Variants in OTUD4 observed in about 807,000 individuals in gnomAD.
OTUD4 encodes the protein OTU domain-containing protein 4.
OTUD4 carries 24 observed loss-of-function variants against 130.4 expected under a neutral mutation model. The observed-to-expected ratio is 0.18, with a 90% confidence interval of 0.13 to 0.26. OTUD4 has a LOEUF of 0.26. Ranked by LOEUF, OTUD4 falls within the 10% of genes least tolerant of loss-of-function variation. The pLI, the probability that OTUD4 is intolerant of heterozygous loss-of-function variation, is 1.00. For missense variants in OTUD4, 1,031 were observed against 1,329.4 expected (o/e 0.78, Z 3.49); for synonymous variants, 420 against 472.5 (o/e 0.89, Z 1.44).
chr4:145,165,888 G>A (rs538871033), intron 3 of OTUD4, among the ~76,000 whole-genome samples: 20 of 152,216 alleles, frequency 1.3e-4, no homozygotes, highest in African/African-American at 3.6e-4. Context: ...GCGGCTGGGC[G>A]CAGTGGCTCA....
chr4:145,160,002 C>A (rs769880655), intron 6 of OTUD4, among the ~76,000 whole-genome samples: 3 of 152,202 alleles, frequency 2.0e-5, no homozygotes, highest in Non-Finnish European at 2.9e-5. Context: ...TATATCCTTA[C>A]GTTTAATTCC....
intron 19 of OTUD4, 78 bp from the exon 20 acceptor site, chr4:145,140,069 T>G: frequency 2.1e-6 from 1 of 484,678 alleles, no homozygotes; most frequent in South Asian, 2.2e-5. Context: ...AAATATATAG[T>G]TCTAAAGACA....
Position 145,138,031 on chromosome 4 carries a change from G to C in OTUD4, c.2744C>G (p.Ala915Gly). ...GAGAGAATGTACATGTTCACCCCTG[G>C]CTTCTGGAAACTCATCTACTGTTGA... is the stretch of plus-strand genomic sequence containing the variant. ...SVSTVDEFPE[A>G]RGEHVHSLPE... The change falls in exon 21 of 21, where the codon GCC becomes GGC. Residue 915 changes from alanine to glycine, a missense_variant. Ala to Gly is a moderately conservative substitution (Grantham distance 60). This residue lies in a region of OTUD4 where 900 missense variants were observed against 1,095.9 expected (regional missense o/e 0.82). Transcript: ENST00000447906. 1.2e-6 allele frequency: 2 copies of C among 1,614,156 alleles called. No individual in the cohort carries two copies. The highest frequency in any genetic ancestry group is 1.6e-4 in the Middle Eastern group (1 of 6,062).
In OTUD4 at chr4:145,141,401, C is replaced by A; in HGVS notation, c.2061G>T (p.Gln687His). The change falls in exon 19 of 21, where the codon CAG becomes CAT. Residue 687 changes from glutamine to histidine, a missense_variant. Physicochemically the swap from Gln to His is conservative, Grantham distance 24 (BLOSUM62 0). This residue lies in a region of OTUD4 where 900 missense variants were observed against 1,095.9 expected (regional missense o/e 0.82). Transcript: ENST00000447906. ...CACCTTTAGGTAGGTCCTCCCCAGTCTGACACAGTGAATAAGGTGGTACAA... is the reference window on the plus strand; with the variant it reads ...CACCTTTAGGTAGGTCCTCCCCAGTATGACACAGTGAATAAGGTGGTACAA... ...RAIVPPYSLC[Q>H]TGEDLPKDKN... 5 of 1,611,200 alleles carry A rather than the reference C, an allele frequency of 3.1e-6. No individual in the cohort carries two copies. The highest frequency in any genetic ancestry group is 4.2e-6 in the Non-Finnish European group (5 of 1,178,594).
At chr4:145,170,152 T>A (rs1047511068) in intron 3 of OTUD4, among the ~76,000 whole-genome samples, 1 of 152,194 alleles carries the variant, frequency 6.6e-6, no homozygotes, top group South Asian at 2.1e-4. Flanking sequence ...CTGATTCAGG[T>A]ATGGAATAGG....
At chr4:145,143,173 T>C (rs1750645954) in intron 17 of OTUD4, among the ~76,000 whole-genome samples, 192 bp downstream of exon 17, 1 of 152,202 alleles carries the variant, frequency 6.6e-6, no homozygotes. Context: ...TTCTATAACA[T>C]TCCATAAATA....
At position 145,155,453 on chromosome 4, in the gene OTUD4, G is replaced by C; in HGVS notation, c.831C>G (p.Ser277=). 6.2e-7 allele frequency: 1 copy of C among 1,609,298 alleles called. No individual in the cohort carries two copies. The part of the protein sequence containing the change: ...SKQAQQKRDY[S]IAAGLQYEVG... ...CTTCATATTGTAAGCCAGCAGCAAT[G>C]GAATAATCACGTTTTTGCTGAGCTG... The change falls in exon 10 of 21, where the codon TCC becomes TCG. Residue 277 remains serine, a synonymous_variant. Transcript: ENST00000447906.
intron 15 of OTUD4, 57 bp from the exon 16 acceptor site, chr4:145,144,058 A>G (rs769071048): frequency 6.3e-5 from 85 of 1,356,718 alleles, no homozygotes; most frequent in Non-Finnish European, 8.7e-5. Context: ...GTCTGAACAC[A>G]GAAGAACAAA....
At chr4:145,175,990 C>G (rs1263853077) in intron 1 of OTUD4, among the ~76,000 whole-genome samples, 1 of 152,020 alleles carries the variant, frequency 6.6e-6, no homozygotes, top group Non-Finnish European at 1.5e-5. Context: ...CCTCAGCCTC[C>G]CGAGTAGCCG....
intron 5 of OTUD4, among the ~76,000 whole-genome samples, chr4:145,163,224 AC>A (rs1751670755): frequency 6.6e-6 from 1 of 152,108 alleles, no homozygotes; most frequent in Non-Finnish European, 1.5e-5. Context: ...AGTCCCAGAA[AC>A]CCCAAAACCC....
chr4:145,134,586 T>G lies in OTUD4; in HGVS notation c.*2844A>C, dbSNP rs922459968. The G allele has an allele frequency of 1.5e-5, 6 of 397,416 alleles. No individual in the cohort carries two copies. Among genetic ancestry groups the G allele is most frequent in the Non-Finnish European group, 2.7e-5 (6 of 225,648 alleles). 24.6% of individuals were successfully genotyped at this position (397,416 alleles called of 1,614,324 possible). A position where few individuals can be genotyped will look rare whatever the true frequency, so the allele number is the denominator to read the frequency against. ...AATACAGTCTGCATTAAATAAGATATATCAGCATTGTGGTCTGGGAAAACC... is the reference window on the plus strand; with the variant it reads ...AATACAGTCTGCATTAAATAAGATAGATCAGCATTGTGGTCTGGGAAAACC... On this transcript the variant is annotated 3_prime_UTR_variant, in exon 21 of 21. Coordinates refer to ENST00000447906, the MANE Select transcript of OTUD4 (RefSeq NM_001366057.1).
chr4:145,179,396 T>C (rs1406632547), intron 1 of OTUD4, among the ~76,000 whole-genome samples: 1 of 152,132 alleles, frequency 6.6e-6, no homozygotes, highest in Admixed American at 6.5e-5. Context: ...CAAGTAAAGT[T>C]TGATCCACCA....
intron 1 of OTUD4, among the ~76,000 whole-genome samples, chr4:145,176,614 G>T (rs1237481640): frequency 3.9e-5 from 6 of 152,222 alleles, no homozygotes; most frequent in Non-Finnish European, 5.9e-5. Flanking sequence ...CAGGAGAATG[G>T]CTTGAAACCA....
At chr4:145,174,106 G>T (rs115637363) in intron 2 of OTUD4, among the ~76,000 whole-genome samples, 1 of 150,580 alleles carries the variant, frequency 6.6e-6, no homozygotes, top group African/African-American at 2.5e-5. Context: ...TCCTGGGTTC[G>T]AGCAATCCTC....
chr4:145,157,285 G>A (rs1295104255), intron 7 of OTUD4, among the ~76,000 whole-genome samples: 4 of 152,154 alleles, frequency 2.6e-5, no homozygotes, highest in Non-Finnish European at 2.9e-5. Context: ...ATCTCATCTT[G>A]AATTGTAATA....
intron 7 of OTUD4, among the ~76,000 whole-genome samples, chr4:145,158,965 G>A (rs1751427504): frequency 1.3e-5 from 2 of 152,154 alleles, no homozygotes; most frequent in Non-Finnish European, 1.5e-5. Flanking sequence ...ACACTATCTT[G>A]TACGTCTTGT....
In OTUD4 at chr4:145,154,224, T is replaced by C. The variant is rs371260774; in HGVS notation, c.873+1187A>G. ...TTCTCTTTCAAGTTTTCCCAATCAA[T>C]GTAGTAAAAACTTCCACAATTCCCT... On this transcript the variant is annotated intron_variant, in intron 10 of 20. Coordinates refer to ENST00000447906, the MANE Select transcript of OTUD4 (RefSeq NM_001366057.1). Among the ~76,000 whole-genome samples the C allele has an allele frequency of 7.9e-5, 12 of 152,344 alleles. No homozygotes were observed. The South Asian group carries it at 2.3e-3, about 29-fold the overall frequency.
At position 145,147,908 on chromosome 4, in the gene OTUD4, G is replaced by GTAA. The variant is rs565324291; in HGVS notation, c.1260-1482_1260-1480dup. On this transcript the variant is annotated intron_variant, in intron 13 of 20. Coordinates refer to ENST00000447906, the MANE Select transcript of OTUD4 (RefSeq NM_001366057.1). The stretch of plus-strand genomic sequence containing the variant: ...AAATTCTAAAATCTGACTAGATTTT[G>GTAA]TAATCTTACTTTAAATATTCAATAA... Among the ~76,000 whole-genome samples, 667 of 152,242 alleles carry GTAA rather than the reference G, an allele frequency of 4.4e-3. 3 individuals carry two copies. The highest frequency in any genetic ancestry group is 0.015 in the African/African-American group (611 of 41,552).
At chr4:145,170,454 A>G (rs927135415) in intron 3 of OTUD4, among the ~76,000 whole-genome samples, 8 of 152,224 alleles carry the variant, frequency 5.3e-5, no homozygotes, top group Non-Finnish European at 1.2e-4. Context: ...TTTAGAATCC[A>G]TTCAGACTTC....
Sources: allele counts gnomAD v4.1 joint callset (sites outside exome capture counted in the v4.1 genomes callset), GRCh38; gene constraint gnomAD v4.1.1; regional missense constraint gnomAD v4.1.1; transcripts MANE v1.5; gene names NCBI Gene and HGNC (gene_info 2026-07-23, HGNC 2026-07-21).